ADAMTSL1: variants seen among roughly 807,000 people sequenced by gnomAD.
ADAMTSL1 encodes the protein ADAMTS like 1.
Under a neutral mutation model 201.8 loss-of-function variants are expected in ADAMTSL1, and 126 were observed. The ratio of observed to expected loss-of-function variants is 0.62; its 90% CI spans 0.54 to 0.72. ADAMTSL1 has a LOEUF of 0.72. Ranked by LOEUF, ADAMTSL1 falls within the 30% of genes least tolerant of loss-of-function variation. The probability of loss-of-function intolerance (pLI) is 0.00; values close to 1 mark genes in which losing one functional copy is unlikely to be tolerated. For synonymous variants in ADAMTSL1, 1,121 were observed against 903.4 expected (o/e 1.24, Z -4.32); for missense variants, 2,679 against 2,277.8 (o/e 1.18, Z -3.59).
intron 1 of ADAMTSL1, among the ~76,000 whole-genome samples, chr9:17,943,154 C>G (rs1827311897): frequency 6.6e-6 from 1 of 152,074 alleles, no homozygotes; most frequent in South Asian, 2.1e-4. Context: ...GTTGCCCAGG[C>G]TGTTCTTGAA....
chr9:18,414,215 T>G (rs1818574606), intron 2 of ADAMTSL1, among the ~76,000 whole-genome samples: 1 of 152,218 alleles, frequency 6.6e-6, no homozygotes, highest in Non-Finnish European at 1.5e-5. Flanking sequence ...TCAAAGAAGC[T>G]AAATCTGAGA....
In ADAMTSL1 at chr9:18,754,170, C is replaced by T. The variant is rs548543517; in HGVS notation, c.2217+662C>T. On this transcript the variant is annotated intron_variant, in intron 16 of 28. Transcript: ENST00000380548. ...GCTTTTGCACTACAAGGCAGAATTG[C>T]GTGGTTGTGATAGTGAACATATGGC... Among the ~76,000 whole-genome samples the T allele has an allele frequency of 6.6e-5, 10 of 152,250 alleles. No homozygotes were observed. The South Asian group carries it at 1.9e-3, about 28-fold the overall frequency.
intron 21 of ADAMTSL1, among the ~76,000 whole-genome samples, chr9:18,823,742 A>G (rs930276490): frequency 1.3e-5 from 2 of 152,168 alleles, no homozygotes; most frequent in Non-Finnish European, 2.9e-5. Flanking sequence ...TAATCCCAAC[A>G]CTTTGGAAGG....
intron 2 of ADAMTSL1, among the ~76,000 whole-genome samples, chr9:18,253,091 G>A (rs1831530236): frequency 6.6e-6 from 1 of 152,202 alleles, no homozygotes; most frequent in African/African-American, 2.4e-5. Flanking sequence ...CATTTGGAGA[G>A]GTTTCTATGA....
intron 1 of ADAMTSL1, among the ~76,000 whole-genome samples, chr9:18,087,787 A>C (rs1823830670): frequency 6.6e-6 from 1 of 152,194 alleles, no homozygotes; most frequent in African/African-American, 2.4e-5. Context: ...AATTTGTATC[A>C]GTGTTGTATT....
intron 2 of ADAMTSL1, among the ~76,000 whole-genome samples, chr9:18,247,045 G>A (rs1831279584): frequency 6.6e-6 from 1 of 152,006 alleles, no homozygotes. Flanking sequence ...GTTTTTTTGG[G>A]TATTGGGGTC....
At chr9:18,558,583 A>G (rs146652128) in intron 3 of ADAMTSL1, among the ~76,000 whole-genome samples, 2,944 of 152,314 alleles carry the variant, frequency 0.019, 83 homozygotes, top group African/African-American at 0.061. Context: ...AGGAATCGCC[A>G]CACTGTTTTC....
chr9:18,028,558 A>G (rs1360900796), intron 1 of ADAMTSL1, among the ~76,000 whole-genome samples: 1 of 152,082 alleles, frequency 6.6e-6, no homozygotes, highest in African/African-American at 2.4e-5. Flanking sequence ...TTTGTCAAAG[A>G]TCAGATAGTT....
intron 2 of ADAMTSL1, among the ~76,000 whole-genome samples, chr9:18,237,239 TA>T (rs1379481787): frequency 6.6e-6 from 1 of 152,238 alleles, no homozygotes; most frequent in African/African-American, 2.4e-5. Flanking sequence ...CCTGGCTGCT[TA>T]AGTCCCTGGA....
At chr9:18,207,174 A>G (rs1829685558) in intron 2 of ADAMTSL1, among the ~76,000 whole-genome samples, 1 of 152,138 alleles carries the variant, frequency 6.6e-6, no homozygotes, top group South Asian at 2.1e-4. Context: ...TCAAAGAAAA[A>G]AAAGAAAAAA....
intron 23 of ADAMTSL1, among the ~76,000 whole-genome samples, chr9:18,843,532 G>T (rs1825872627): frequency 6.6e-6 from 1 of 150,500 alleles, no homozygotes; most frequent in Non-Finnish European, 1.5e-5. Flanking sequence ...CTCTTCTCGA[G>T]GAGTATCTTT....
intron 1 of ADAMTSL1, among the ~76,000 whole-genome samples, chr9:17,934,042 C>A (rs77136481): frequency 0.011 from 1,669 of 152,254 alleles, 27 homozygotes; most frequent in African/African-American, 0.039. Flanking sequence ...ATGGCTCTCA[C>A]TGCAGTGGGA....
chr9:18,779,399 G>A lies in ADAMTSL1; in HGVS notation c.3677+1493G>A, dbSNP rs192246677. Reference sequence around the variant, plus strand: ...AGTATTATTTCTTTGTGCTCCAACTGTATGCCAGACATAGTGCTCAGTGCT... The same window carrying A: ...AGTATTATTTCTTTGTGCTCCAACTATATGCCAGACATAGTGCTCAGTGCT... On this transcript the variant is annotated intron_variant, in intron 19 of 28. Coordinates refer to ENST00000380548, the MANE Select transcript of ADAMTSL1 (RefSeq NM_001040272.6). 9.4e-4 allele frequency among the ~76,000 whole-genome samples: 143 copies of A among 152,228 alleles called. 2 individuals are homozygous for A. The highest frequency in any genetic ancestry group is 3.2e-3 in the African/African-American group (134 of 41,526).
intron 2 of ADAMTSL1, among the ~76,000 whole-genome samples, chr9:18,295,295 A>G (rs7025439): frequency 1.3e-4 from 20 of 151,992 alleles, no homozygotes; most frequent in African/African-American, 4.8e-4. Flanking sequence ...AAAATGGATG[A>G]TATTAAAATA....
At chr9:18,359,969 A>T (rs1470387929) in intron 2 of ADAMTSL1, among the ~76,000 whole-genome samples, 1 of 151,902 alleles carries the variant, frequency 6.6e-6, no homozygotes, top group African/African-American at 2.4e-5. Context: ...TAATACTAAT[A>T]ATAATGTTAA....
intron 9 of ADAMTSL1, among the ~76,000 whole-genome samples, chr9:18,664,374 C>T (rs551465211): frequency 2.6e-5 from 4 of 151,598 alleles, no homozygotes; most frequent in African/African-American, 9.6e-5. Context: ...AATCAAACCC[C>T]CAGGAAGCTG....
intron 7 of ADAMTSL1, among the ~76,000 whole-genome samples, chr9:18,639,641 A>T (rs1323005312): frequency 6.6e-6 from 1 of 152,114 alleles, no homozygotes; most frequent in Admixed American, 6.6e-5. Context: ...TACAATCTTT[A>T]TTATGTAATT....
In ADAMTSL1 at chr9:18,714,347, C is replaced by A. The variant is rs563717559; in HGVS notation, c.1877-7189C>A. ...GAAAGGATCAACAAAATTGATAGAC[C>A]GCTAGCAAGACTAATAAAGAAAAAA... On this transcript the variant is annotated intron_variant, in intron 14 of 28. Coordinates refer to ENST00000380548, the MANE Select transcript of ADAMTSL1 (RefSeq NM_001040272.6). Among the ~76,000 whole-genome samples the A allele has an allele frequency of 8.2e-3, 1,239 of 151,430 alleles. 14 individuals are homozygous for A. Among genetic ancestry groups the A allele is most frequent in the African/African-American group, 0.028 (1,156 of 41,204 alleles).
intron 1 of ADAMTSL1, among the ~76,000 whole-genome samples, chr9:18,088,581 T>C (rs1260497610): frequency 1.3e-5 from 2 of 152,192 alleles, no homozygotes; most frequent in African/African-American, 4.8e-5. Context: ...TGATTAGAAA[T>C]TTCTTCAAAG....
Sources: gnomAD v4.1 joint callset for allele counts (sites outside exome capture counted in the v4.1 genomes callset) on GRCh38, gnomAD v4.1.1 for gene constraint, MANE v1.5 for transcripts, NCBI Gene and HGNC (gene_info 2026-07-23, HGNC 2026-07-21) for gene names.